Variants in ADAMTSL1 observed in about 807,000 individuals in gnomAD.
ADAMTSL1 encodes ADAMTS like 1, also known as ADAMTS-like protein 1.
ADAMTSL1 carries 126 observed loss-of-function variants against 201.8 expected under a neutral mutation model. The observed-to-expected ratio is 0.62, with a 90% confidence interval of 0.54 to 0.72. The LOEUF is 0.72. Among genes scored for constraint, ADAMTSL1 ranks in the 30% least tolerant of loss-of-function variants. ADAMTSL1 has a pLI of 0.00. For synonymous variants in ADAMTSL1, 1,121 were observed against 903.4 expected (o/e 1.24, Z -4.32); for missense variants, 2,679 against 2,277.8 (o/e 1.18, Z -3.59).
Position 18,484,360 on chromosome 9 carries a change from A to G in ADAMTSL1, c.63+10065A>G, listed in dbSNP as rs138774130. On this transcript the variant is annotated intron_variant, in intron 1 of 28. Coordinates refer to ENST00000380548, the MANE Select transcript of ADAMTSL1 (RefSeq NM_001040272.6). The stretch of plus-strand genomic sequence containing the variant: ...TAACGGGGTTTCTGCCTAAAGAAAT[A>G]GACACATTAATTCATTATTTATAGT... 1.1e-3 allele frequency among the ~76,000 whole-genome samples: 175 copies of G among 152,354 alleles called. 1 individual carries two copies. The highest frequency in any genetic ancestry group is 3.9e-3 in the African/African-American group (164 of 41,580).
rs1431231531 is a variant in ADAMTSL1, at chr9:18,839,138, C to G, written c.4249+9161C>G. The stretch of plus-strand genomic sequence containing the variant: ...CATGCTGGTGTGCTGCACCCATTAA[C>G]TCGTCATTTAGCATTAGGTATATCT... On this transcript the variant is annotated intron_variant, in intron 23 of 28. Transcript: ENST00000380548. 6.0e-5 allele frequency among the ~76,000 whole-genome samples: 9 copies of G among 149,302 alleles called. No homozygotes were observed. In the South Asian group the frequency reaches 1.7e-3, roughly 29 times the overall value.
intron 2 of ADAMTSL1, among the ~76,000 whole-genome samples, chr9:18,447,807 G>T (rs536282942): frequency 6.6e-6 from 1 of 152,322 alleles, no homozygotes; most frequent in African/African-American, 2.4e-5. Flanking sequence ...CTATATGCAT[G>T]CCCCTCAGGG....
At position 18,543,492 on chromosome 9, in the gene ADAMTSL1, T is replaced by A. The variant is rs1820285261; in HGVS notation, c.237+10200T>A. 2.0e-5 allele frequency among the ~76,000 whole-genome samples: 3 copies of A among 152,318 alleles called. No homozygotes were observed. In the South Asian group the frequency reaches 6.2e-4, roughly 32 times the overall value. ...AAGGCTAAATAAGCTTTCAGTATCT[T>A]GCAAATAAATTAATCTCTAAATGCA... On this transcript the variant is annotated intron_variant, in intron 3 of 28. Transcript: ENST00000380548.
intron 1 of ADAMTSL1, among the ~76,000 whole-genome samples, chr9:18,014,688 TGTTGGATCAG>T (rs547119330): frequency 8.9e-4 from 134 of 149,936 alleles, no homozygotes; most frequent in African/African-American, 3.3e-3. Context: ...TGAAGGATCA[TGTTGGATCAG>T]TGGGAATTGC....
chr9:18,287,328 C>A (rs934786094), intron 2 of ADAMTSL1, among the ~76,000 whole-genome samples: 1 of 151,996 alleles, frequency 6.6e-6, no homozygotes, highest in Non-Finnish European at 1.5e-5. Context: ...TGTATACACA[C>A]ACACACGTGT....
At chr9:18,518,538 C>G (rs1818498675) in intron 2 of ADAMTSL1, among the ~76,000 whole-genome samples, 2 of 152,142 alleles carry the variant, frequency 1.3e-5, no homozygotes, top group Admixed American at 1.3e-4. Context: ...TTCTCTTTAT[C>G]TAGTCATCCA....
At chr9:18,222,483 A>G (rs948404696) in intron 2 of ADAMTSL1, among the ~76,000 whole-genome samples, 3 of 151,888 alleles carry the variant, frequency 2.0e-5, no homozygotes, top group African/African-American at 7.2e-5. Context: ...CACCTTACAA[A>G]TAAATTCATT....
In ADAMTSL1 at chr9:17,912,197, A is replaced by T. The variant is rs1189976212; in HGVS notation, c.87+5275A>T. On this transcript the variant is annotated intron_variant, in intron 1 of 29. Transcript: ENST00000680146. ...ATGATTTATAGTCCTTTTGATATAT[A>T]CCCAGTAATGGGATGGCTGGGTCAA... Among the ~76,000 whole-genome samples the T allele has an allele frequency of 5.2e-4, 33 of 63,728 alleles. 6 individuals carry two copies. Among genetic ancestry groups the T allele is most frequent in the African/African-American group, 1.0e-3 (33 of 32,264 alleles). The allele number at this position is 63,728 out of a possible 152,430, so 41.8% of individuals were successfully genotyped here. A position where few individuals can be genotyped will look rare whatever the true frequency, so the allele number is the denominator to read the frequency against.
chr9:18,371,024 G>A (rs1837020275), intron 2 of ADAMTSL1, among the ~76,000 whole-genome samples: 2 of 152,052 alleles, frequency 1.3e-5, no homozygotes. Flanking sequence ...TGGAATTCTT[G>A]TGACCTTCAT....
intron 1 of ADAMTSL1, among the ~76,000 whole-genome samples, chr9:18,121,552 A>C (rs1279009731): frequency 6.6e-6 from 1 of 152,226 alleles, no homozygotes; most frequent in African/African-American, 2.4e-5. Flanking sequence ...ACACTTAAGA[A>C]ATACCAACAA....
chr9:18,351,413 A>G (rs545212507), intron 2 of ADAMTSL1, among the ~76,000 whole-genome samples: 243 of 152,148 alleles, frequency 1.6e-3, no homozygotes, highest in Non-Finnish European at 3.0e-3. Context: ...ATCTTTGACC[A>G]GATGAGGAAC....
chr9:18,429,476 A>G (rs1819384795), intron 2 of ADAMTSL1, among the ~76,000 whole-genome samples: 1 of 152,136 alleles, frequency 6.6e-6, no homozygotes, highest in African/African-American at 2.4e-5. Flanking sequence ...TAAGAGGTTA[A>G]ATAAGTGACG....
intron 1 of ADAMTSL1, among the ~76,000 whole-genome samples, chr9:18,026,883 A>G (rs1157077634): frequency 6.6e-6 from 1 of 151,748 alleles, no homozygotes. Context: ...CAGTTTCAGA[A>G]TTCATTATTG....
intron 1 of ADAMTSL1, among the ~76,000 whole-genome samples, chr9:17,917,491 T>C (rs115929013): frequency 0.011 from 1,707 of 152,180 alleles, 32 homozygotes; most frequent in African/African-American, 0.039. Flanking sequence ...TATAGTGAGT[T>C]ACCTTCACTG....
intron 2 of ADAMTSL1, among the ~76,000 whole-genome samples, chr9:18,186,525 T>C (rs2132210062): frequency 6.6e-6 from 1 of 152,228 alleles, no homozygotes; most frequent in East Asian, 1.9e-4. Flanking sequence ...GACTGTAGAA[T>C]GGGTATGTAA....
At chr9:18,255,847 T>C (rs2132511946) in intron 2 of ADAMTSL1, among the ~76,000 whole-genome samples, 1 of 152,170 alleles carries the variant, frequency 6.6e-6, no homozygotes, top group East Asian at 1.9e-4. Flanking sequence ...CTACCCTCTT[T>C]GTCAGAAGAC....
At chr9:18,643,426 A>G (rs533093271) in intron 7 of ADAMTSL1, among the ~76,000 whole-genome samples, 16 of 151,978 alleles carry the variant, frequency 1.1e-4, no homozygotes, top group Admixed American at 2.0e-4. Context: ...GTTTAATGTA[A>G]TCCCATTTAT....
chr9:18,532,656 T>A (rs1819518048), intron 2 of ADAMTSL1, among the ~76,000 whole-genome samples: 1 of 151,954 alleles, frequency 6.6e-6, no homozygotes, highest in Non-Finnish European at 1.5e-5. Context: ...TGGAAAGGAC[T>A]AAATAAATCA....
chr9:18,549,623 T>A (rs1049875550), intron 3 of ADAMTSL1, among the ~76,000 whole-genome samples: 23 of 152,146 alleles, frequency 1.5e-4, no homozygotes, highest in African/African-American at 5.5e-4. Flanking sequence ...TCCTAATGAG[T>A]GTCTGGGACT....
Sources: allele counts gnomAD v4.1 joint callset (sites outside exome capture counted in the v4.1 genomes callset), GRCh38; gene constraint gnomAD v4.1.1; transcripts MANE v1.5; gene names NCBI Gene and HGNC (gene_info 2026-07-23, HGNC 2026-07-21).